SLC39A14: variants seen among roughly 807,000 people sequenced by gnomAD.
The protein encoded by SLC39A14 is solute carrier family 39 member 14.
SLC39A14 carries 19 observed loss-of-function variants against 45.5 expected under a neutral mutation model. That is an observed-to-expected ratio of 0.42 (90% CI 0.29 to 0.61). The LOEUF is 0.61. SLC39A14 is among the 20% of genes least tolerant of loss of function. The pLI is 0.22. For missense variants in SLC39A14, 447 were observed against 616.5 expected, an observed-to-expected ratio of 0.73 and a Z score of 2.91; for synonymous variants, 264 against 251.3, an observed-to-expected ratio of 1.05 and a Z score of -0.48.
chr8:22,411,353 GCTTGAGCCC>G (rs1835555361), intron 3 of SLC39A14, among the ~76,000 whole-genome samples: 1 of 152,288 alleles, frequency 6.6e-6, no homozygotes, highest in South Asian at 2.1e-4. Flanking sequence ...TGTTCTTTGT[GCTTGAGCCC>G]CTCTCAGAGC....
At chr8:22,417,537 C>CA in intron 7 of SLC39A14, 114 bp from the exon 8 acceptor site, 1 of 892,534 alleles carries the variant, frequency 1.1e-6, no homozygotes, top group East Asian at 2.5e-5. Context: ...CTCCTGAGCT[C>CA]AAACAGTCCT....
At chr8:22,425,047 A>G (rs1446483033), downstream of SLC39A14, among the ~76,000 whole-genome samples, 2 of 151,850 alleles carry the variant, frequency 1.3e-5, no homozygotes, top group African/African-American at 4.8e-5. Flanking sequence ...AAAAAAAAAA[A>G]AAAGACTAAA....
chr8:22,397,470 C>A (rs1402669399), intron 1 of SLC39A14, among the ~76,000 whole-genome samples: 3 of 151,950 alleles, frequency 2.0e-5, no homozygotes, highest in Non-Finnish European at 4.4e-5. Flanking sequence ...CCCAGCTACT[C>A]GGGAGGCTGA....
intron 1 of SLC39A14, 142 bp from the exon 2 acceptor site, chr8:22,404,554 T>TC (rs1257079188): frequency 1.4e-6 from 1 of 730,076 alleles, no homozygotes; most frequent in East Asian, 2.6e-5. Context: ...GAAGGGTTTT[T>TC]CTCAAAGGCT....
In SLC39A14 at chr8:22,422,493, C is replaced by T. The variant is rs1836285898; in HGVS notation, c.*2795C>T. ...GGCATCTACTTTAAAACAAAGTTGT[C>T]TGATTTTTGCAAGAGAGGTTAGGAT... On this transcript the variant is annotated 3_prime_UTR_variant, in exon 9 of 9. Transcript: ENST00000381237. 1.0e-6 allele frequency: 1 copy of T among 985,854 alleles called. No homozygotes were observed. The highest frequency in any genetic ancestry group is 1.2e-6 in the Non-Finnish European group (1 of 829,930). 61.1% of individuals were successfully genotyped at this position (985,854 alleles called of 1,614,324 possible).
chr8:22,387,027 G>C (rs536690586), intron 1 of SLC39A14, among the ~76,000 whole-genome samples: 36 of 152,236 alleles, frequency 2.4e-4, no homozygotes, highest in African/African-American at 8.7e-4. Flanking sequence ...AAAAAAAGTA[G>C]CCAGGCATGG....
intron 2 of SLC39A14, among the ~76,000 whole-genome samples, chr8:22,407,208 GT>G (rs970726236): frequency 6.6e-5 from 10 of 152,304 alleles, no homozygotes; most frequent in African/African-American, 2.4e-4. Context: ...CAGCACCACA[GT>G]TTTGGCAGAG....
intron 4 of SLC39A14, among the ~76,000 whole-genome samples, chr8:22,414,294 C>T (rs566700822): frequency 8.5e-5 from 13 of 152,234 alleles, no homozygotes; most frequent in South Asian, 2.1e-4. Flanking sequence ...GTTAGGAAAA[C>T]GCTGCAGTTC....
At chr8:22,387,396 A>G (rs1306224236) in intron 1 of SLC39A14, among the ~76,000 whole-genome samples, 1 of 152,164 alleles carries the variant, frequency 6.6e-6, no homozygotes, top group Non-Finnish European at 1.5e-5. Flanking sequence ...CTTTGTGGCA[A>G]TCGATTGCTC....
In SLC39A14 at chr8:22,404,800, T is replaced by G. The variant is rs1250353730; in HGVS notation, c.90T>G (p.Ala30=). 6.2e-7 allele frequency: 1 copy of G among 1,613,504 alleles called. No homozygotes were observed. Residue 30 remains alanine (A), a synonymous_variant, in exon 2 of 9, where the codon GCT becomes GCG. Transcript: ENST00000381237. ...GGAGAACCACCCCTGAGGCTCACGCTTCATCCCTGGGTGCACCAGCTATCA... is the reference window on the plus strand; with the variant it reads ...GGAGAACCACCCCTGAGGCTCACGCGTCATCCCTGGGTGCACCAGCTATCA... ...GLWRTTPEAH[A]SSLGAPAISA...
chr8:22,420,505 A>G lies in SLC39A14; in HGVS notation c.*807A>G. On this transcript the variant is annotated 3_prime_UTR_variant, in exon 9 of 9. Transcript: ENST00000381237. ...CAAGAAAACAGTTGGTTTGGCTGTG[A>G]TTTTGACCTCCTCTTCCCCACTGCC... The G allele has an allele frequency of 1.0e-6, 1 of 985,446 alleles. No individual in the cohort carries two copies. Among genetic ancestry groups the G allele is most frequent in the Non-Finnish European group, 1.2e-6 (1 of 829,960 alleles). The allele number at this position is 985,446 out of a possible 1,614,324, so 61.0% of individuals were successfully genotyped here. A position where few individuals can be genotyped will look rare whatever the true frequency, so the allele number is the denominator to read the frequency against.
intron 1 of SLC39A14, among the ~76,000 whole-genome samples, chr8:22,391,765 T>G (rs974961967): frequency 1.3e-5 from 2 of 152,196 alleles, no homozygotes; most frequent in Non-Finnish European, 2.9e-5. Context: ...AGACGGGGTT[T>G]CACCACTTTG....
chr8:22,374,811 A>G (rs112949030), intron 1 of SLC39A14, among the ~76,000 whole-genome samples: 4,191 of 136,640 alleles, frequency 0.031, 200 homozygotes, highest in African/African-American at 0.11. Flanking sequence ...AGTGGGTATG[A>G]TCTCAGCTCA....
In SLC39A14 at chr8:22,421,804, G is replaced by A; in HGVS notation, c.*2106G>A. On this transcript the variant is annotated 3_prime_UTR_variant, in exon 9 of 9. Transcript: ENST00000381237. ...CTAAGTTAGAGTTAGTGGATTTCTAGTTTAGGAGAGGAGCTCAAAACTATA... is the reference window on the plus strand; with the variant it reads ...CTAAGTTAGAGTTAGTGGATTTCTAATTTAGGAGAGGAGCTCAAAACTATA... 1.0e-6 allele frequency: 1 copy of A among 984,954 alleles called. No homozygotes were observed. The highest frequency in any genetic ancestry group is 1.7e-5 in the African/African-American group (1 of 57,322). The allele number at this position is 984,954 out of a possible 1,614,324, so 61.0% of individuals were successfully genotyped here.
At chr8:22,377,358 A>G (rs977161020) in intron 1 of SLC39A14, among the ~76,000 whole-genome samples, 6 of 151,974 alleles carry the variant, frequency 3.9e-5, no homozygotes, top group Admixed American at 6.6e-5. Flanking sequence ...CCCCAGCCCT[A>G]GAGTCAGGCA....
At chr8:22,409,643 A>G (rs968073478) in intron 3 of SLC39A14, among the ~76,000 whole-genome samples, 2 of 151,868 alleles carry the variant, frequency 1.3e-5, no homozygotes, top group Admixed American at 6.6e-5. Context: ...CAGCCTCCCA[A>G]AGTGCTGGGA....
chr8:22,375,431 C>T (rs1417487430), intron 1 of SLC39A14, among the ~76,000 whole-genome samples: 1 of 151,860 alleles, frequency 6.6e-6, no homozygotes, highest in South Asian at 2.1e-4. Flanking sequence ...GCTATCTACA[C>T]CCATCTTACC....
At chr8:22,384,913 G>A (rs900346439) in intron 1 of SLC39A14, among the ~76,000 whole-genome samples, 2 of 151,684 alleles carry the variant, frequency 1.3e-5, no homozygotes, top group African/African-American at 4.8e-5. Context: ...AGCCTGGCAT[G>A]GTAGCAGGCG....
At chr8:22,373,791 GTGTCTCTC>G (rs1204110087) in intron 1 of SLC39A14, among the ~76,000 whole-genome samples, 1 of 148,974 alleles carries the variant, frequency 6.7e-6, no homozygotes, top group East Asian at 2.0e-4. Context: ...CCAAGGCAGA[GTGTCTCTC>G]TGTCACCCAG....
Sources: gnomAD v4.1 joint callset for allele counts (sites outside exome capture counted in the v4.1 genomes callset) on GRCh38, gnomAD v4.1.1 for gene constraint, MANE v1.5 for transcripts, NCBI Gene and HGNC (gene_info 2026-07-23, HGNC 2026-07-21) for gene names.